LRRC4C: variants seen among roughly 807,000 people sequenced by gnomAD.
The protein encoded by LRRC4C is leucine rich repeat containing 4C.
LRRC4C carries 5 observed loss-of-function variants against 33.6 expected under a neutral mutation model. That is an observed-to-expected ratio of 0.15 (90% CI 0.08 to 0.31). LRRC4C has a LOEUF of 0.31. LRRC4C is among the 10% of genes least tolerant of loss of function. The pLI, the probability that LRRC4C is intolerant of heterozygous loss-of-function variation, is 1.00. For synonymous variants in LRRC4C, 329 were observed against 302.0 expected (o/e 1.09, Z -0.93); for missense variants, 560 against 796.7 (o/e 0.70, Z 3.58).
At chr11:40,873,230 T>C (rs529546062) in intron 2 of LRRC4C, among the ~76,000 whole-genome samples, 2 of 152,156 alleles carry the variant, frequency 1.3e-5, no homozygotes, top group African/African-American at 4.8e-5. Flanking sequence ...AACAATGAAG[T>C]ACCATAATCT....
chr11:41,043,384 A>G (rs1254853127), intron 1 of LRRC4C, among the ~76,000 whole-genome samples: 1 of 152,144 alleles, frequency 6.6e-6, no homozygotes, highest in East Asian at 1.9e-4. Flanking sequence ...TAAGGCTACA[A>G]ATTTAAAACT....
At chr11:41,350,268 T>G (rs1951934057) in intron 1 of LRRC4C, among the ~76,000 whole-genome samples, 1 of 152,136 alleles carries the variant, frequency 6.6e-6, no homozygotes, top group African/African-American at 2.4e-5. Flanking sequence ...CCCAGCACTT[T>G]GGGAGGCCGA....
At chr11:41,154,132 G>T (rs1944122575) in intron 1 of LRRC4C, among the ~76,000 whole-genome samples, 1 of 152,160 alleles carries the variant, frequency 6.6e-6, no homozygotes, top group East Asian at 1.9e-4. Flanking sequence ...AAGAAACCAA[G>T]TTTGTGGTAA....
intron 1 of LRRC4C, among the ~76,000 whole-genome samples, chr11:41,412,058 C>T (rs1954508661): frequency 2.0e-5 from 3 of 152,132 alleles, no homozygotes; most frequent in South Asian, 2.1e-4. Context: ...GTAATGGATA[C>T]GTGTGGCATG....
At chr11:40,356,224 GT>G (rs1947664866) in intron 3 of LRRC4C, among the ~76,000 whole-genome samples, 1 of 152,114 alleles carries the variant, frequency 6.6e-6, no homozygotes, top group Non-Finnish European at 1.5e-5. Flanking sequence ...GCTATCAACA[GT>G]TTCACAAACA....
rs532361120 is a variant in LRRC4C at position 40,951,004 on chromosome 11, C to T, written c.-495-17281G>A. On this transcript the variant is annotated intron_variant, in intron 1 of 6. Coordinates refer to ENST00000528697, the MANE Select transcript of LRRC4C (RefSeq NM_001258419.2). ...ATGAATACATACATGAATCAGTACACGATGCACCCAGATAAGCTCCTACTA... is the reference window on the plus strand; with the variant it reads ...ATGAATACATACATGAATCAGTACATGATGCACCCAGATAAGCTCCTACTA... Among the ~76,000 whole-genome samples, 34 of 151,794 alleles carry T rather than the reference C, an allele frequency of 2.2e-4. 1 individual carries two copies. In the South Asian group the frequency reaches 3.7e-3, roughly 17 times the overall value.
At chr11:40,185,454 A>G (rs1399114888) in intron 5 of LRRC4C, among the ~76,000 whole-genome samples, 1 of 152,050 alleles carries the variant, frequency 6.6e-6, no homozygotes, top group African/African-American at 2.4e-5. Flanking sequence ...ACGCTGCACC[A>G]TTTGGCCCTT....
intron 1 of LRRC4C, among the ~76,000 whole-genome samples, chr11:41,105,003 T>A (rs750391738): frequency 1.1e-4 from 17 of 151,794 alleles, no homozygotes; most frequent in South Asian, 2.1e-4. Context: ...TAAAAAAAAA[T>A]TTGGCGATGG....
At chr11:40,243,671 C>T (rs557943034) in intron 4 of LRRC4C, among the ~76,000 whole-genome samples, 128 of 148,418 alleles carry the variant, frequency 8.6e-4, no homozygotes, top group Middle Eastern at 3.5e-3. Flanking sequence ...CCTAGACATA[C>T]GGAAAAAACT....
intron 3 of LRRC4C, among the ~76,000 whole-genome samples, chr11:40,447,984 T>C (rs1313521886): frequency 1.3e-5 from 2 of 152,156 alleles, no homozygotes; most frequent in Non-Finnish European, 2.9e-5. Flanking sequence ...GGCCAACTAA[T>C]TTTTGTATTT....
rs577930028 is a variant in LRRC4C, at chr11:40,768,969, A to G, written c.-406-120691T>C. Among the ~76,000 whole-genome samples the G allele has an allele frequency of 1.3e-4, 20 of 152,208 alleles. No individual in the cohort carries two copies. The East Asian group carries it at 3.9e-3, about 29-fold the overall frequency. On this transcript the variant is annotated intron_variant, in intron 2 of 6. Transcript: ENST00000528697. The stretch of plus-strand genomic sequence containing the variant: ...TCACCACTGTAATTCACATAGTACT[A>G]TTAGTCCCAGCTAGTGTTATCAGAA...
chr11:40,593,756 A>G (rs1959163935), intron 3 of LRRC4C, among the ~76,000 whole-genome samples: 1 of 152,138 alleles, frequency 6.6e-6, no homozygotes, highest in South Asian at 2.1e-4. Flanking sequence ...ATCTTCGAAA[A>G]TTTCCTCTCC....
At chr11:40,220,244 G>A (rs1864302736) in intron 5 of LRRC4C, among the ~76,000 whole-genome samples, 1 of 152,062 alleles carries the variant, frequency 6.6e-6, no homozygotes, top group Non-Finnish European at 1.5e-5. Flanking sequence ...CATATGTCAA[G>A]ATTTATGACA....
chr11:40,593,318 A>C (rs1225705976), intron 3 of LRRC4C, among the ~76,000 whole-genome samples: 1 of 152,220 alleles, frequency 6.6e-6, no homozygotes, highest in Non-Finnish European at 1.5e-5. Context: ...ATGGGCTAAT[A>C]ACCTCTCATA....
rs375748895 is a variant in LRRC4C at position 41,350,350 on chromosome 11, A to G, written c.-496+109081T>C. The stretch of plus-strand genomic sequence containing the variant: ...TGGGTGAAACCCTGTCTCCACTAAA[A>G]ACACAAAAAATTAGCCGGGCGTTGT... On this transcript the variant is annotated intron_variant, in intron 1 of 6. Coordinates refer to ENST00000528697, the MANE Select transcript of LRRC4C (RefSeq NM_001258419.2). 4.6e-5 allele frequency among the ~76,000 whole-genome samples: 7 copies of G among 152,006 alleles called. No individual in the cohort carries two copies. The East Asian group carries it at 7.7e-4, about 17-fold the overall frequency.
chr11:40,953,850 A>G (rs1958830754), intron 1 of LRRC4C, among the ~76,000 whole-genome samples: 1 of 151,882 alleles, frequency 6.6e-6, no homozygotes, highest in African/African-American at 2.4e-5. Flanking sequence ...TAATTTAAAA[A>G]CACTTTCTTA....
chr11:40,830,811 A>T (rs886189899), intron 2 of LRRC4C, among the ~76,000 whole-genome samples: 5 of 152,138 alleles, frequency 3.3e-5, no homozygotes, highest in Admixed American at 2.0e-4. Context: ...TGCAATAAAA[A>T]GAATTGTTTC....
chr11:40,730,184 A>G (rs1345377319), intron 2 of LRRC4C, among the ~76,000 whole-genome samples: 1 of 152,160 alleles, frequency 6.6e-6, no homozygotes, highest in Non-Finnish European at 1.5e-5. Context: ...GCGCACCAGC[A>G]TGGCACATGT....
intron 1 of LRRC4C, among the ~76,000 whole-genome samples, chr11:41,088,413 A>G (rs1363037164): frequency 6.6e-6 from 1 of 152,020 alleles, no homozygotes; most frequent in Non-Finnish European, 1.5e-5. Context: ...AAATATCAGT[A>G]AAGAATTATA....
Sources: allele counts gnomAD v4.1 joint callset (sites outside exome capture counted in the v4.1 genomes callset), GRCh38; gene constraint gnomAD v4.1.1; transcripts MANE v1.5; gene names NCBI Gene and HGNC (gene_info 2026-07-23, HGNC 2026-07-21).